Variants in TLL1 observed in about 807,000 individuals in gnomAD.
The protein encoded by TLL1 is tolloid like 1.
TLL1 carries 49 observed loss-of-function variants against 128.2 expected under a neutral mutation model. That is an observed-to-expected ratio of 0.38 (90% CI 0.30 to 0.48). The LOEUF (loss-of-function observed/expected upper bound fraction) is 0.48, where lower values mean the gene tolerates loss of function less well. TLL1 is among the 20% of genes least tolerant of loss of function. TLL1 has a pLI of 0.96. For missense variants in TLL1, 1,123 were observed against 1,242.0 expected, an observed-to-expected ratio of 0.90 and a Z score of 1.44; for synonymous variants, 454 against 418.8, an observed-to-expected ratio of 1.08 and a Z score of -1.03.
At chr4:165,912,071 T>A (rs1175296689) in intron 1 of TLL1, among the ~76,000 whole-genome samples, 1 of 152,132 alleles carries the variant, frequency 6.6e-6, no homozygotes, top group Non-Finnish European at 1.5e-5. Context: ...GAGACGAGGT[T>A]TCACCATGTT....
At chr4:165,949,122 G>A (rs891244538) in intron 1 of TLL1, among the ~76,000 whole-genome samples, 1 of 152,070 alleles carries the variant, frequency 6.6e-6, no homozygotes, top group African/African-American at 2.4e-5. Flanking sequence ...TTCATCAAAA[G>A]GGGAAGTAAG....
At chr4:166,064,702 C>T (rs756550927) in intron 15 of TLL1, among the ~76,000 whole-genome samples, 18 of 152,168 alleles carry the variant, frequency 1.2e-4, no homozygotes, top group Middle Eastern at 6.8e-3. Context: ...TCAATGACAA[C>T]ATCTTTAGCC....
chr4:165,939,641 A>G (rs78549572), intron 1 of TLL1, among the ~76,000 whole-genome samples: 5,441 of 152,050 alleles, frequency 0.036, 287 homozygotes, highest in African/African-American at 0.12. Flanking sequence ...TTTCTTCTTC[A>G]TTATTACTGT....
intron 8 of TLL1, among the ~76,000 whole-genome samples, chr4:166,018,625 A>C (rs1230670795): frequency 6.6e-6 from 1 of 152,104 alleles, no homozygotes; most frequent in Non-Finnish European, 1.5e-5. Flanking sequence ...AAATAACCCC[A>C]TTTAAAAAAT....
At chr4:165,979,456 AAAAG>A (rs1553957066) in intron 1 of TLL1, among the ~76,000 whole-genome samples, 1 of 152,174 alleles carries the variant, frequency 6.6e-6, no homozygotes, top group Non-Finnish European at 1.5e-5. Flanking sequence ...TTATTAAGCA[AAAAG>A]AAGTACTATA....
At chr4:166,028,183 G>A (rs1579644155) in intron 9 of TLL1, among the ~76,000 whole-genome samples, 1 of 151,994 alleles carries the variant, frequency 6.6e-6, no homozygotes, top group Middle Eastern at 3.4e-3. Context: ...GACACTGAAG[G>A]CTGTAATTTT....
intron 1 of TLL1, among the ~76,000 whole-genome samples, chr4:165,900,500 G>A (rs1194669257): frequency 6.6e-6 from 1 of 152,148 alleles, no homozygotes; most frequent in Non-Finnish European, 1.5e-5. Context: ...ATGAAGCTTA[G>A]TTTGGCTGGA....
chr4:165,908,622 A>G (rs574284371), intron 1 of TLL1, among the ~76,000 whole-genome samples: 86 of 152,066 alleles, frequency 5.7e-4, no homozygotes, highest in African/African-American at 2.1e-3. Context: ...GAAAACACTA[A>G]ACTAATAGCA....
intron 9 of TLL1, among the ~76,000 whole-genome samples, chr4:166,027,702 A>G (rs1459288377): frequency 6.6e-6 from 1 of 152,186 alleles, no homozygotes; most frequent in Non-Finnish European, 1.5e-5. Flanking sequence ...AAAGATACAA[A>G]TTTTGAGAAC....
chr4:165,948,620 C>T (rs1561048005), intron 1 of TLL1, among the ~76,000 whole-genome samples: 1 of 152,102 alleles, frequency 6.6e-6, no homozygotes, highest in Non-Finnish European at 1.5e-5. Context: ...GGTGAGGGGG[C>T]TGATTATGCT....
At chr4:166,062,645 A>G (rs903890757) in intron 15 of TLL1, among the ~76,000 whole-genome samples, 14 of 152,176 alleles carry the variant, frequency 9.2e-5, no homozygotes, top group East Asian at 1.9e-4. Flanking sequence ...TTCTAAATAT[A>G]CAATCATGTC....
At chr4:165,925,414 G>A (rs1393601319) in intron 1 of TLL1, among the ~76,000 whole-genome samples, 1 of 152,154 alleles carries the variant, frequency 6.6e-6, no homozygotes, top group African/African-American at 2.4e-5. Context: ...GGAAGTAATT[G>A]CAGATGTGAT....
At chr4:166,004,830 G>T (rs142605508) in intron 6 of TLL1, among the ~76,000 whole-genome samples, 1,659 of 152,084 alleles carry the variant, frequency 0.011, 33 homozygotes, top group African/African-American at 0.037. Flanking sequence ...GGAAATTCAG[G>T]TTTTATTCTC....
At chr4:166,098,700 T>C (rs1742141500) in intron 19 of TLL1, among the ~76,000 whole-genome samples, 1 of 152,110 alleles carries the variant, frequency 6.6e-6, no homozygotes, top group Non-Finnish European at 1.5e-5. Context: ...TACTATTGTA[T>C]ATATTCTATA....
At chr4:166,091,072 C>T (rs1741749450) in intron 18 of TLL1, 56 bp from the exon 19 acceptor site, 2 of 1,469,702 alleles carry the variant, frequency 1.4e-6, no homozygotes, top group Admixed American at 3.7e-5. Context: ...CAAAAATTAT[C>T]TCATTTTGAG....
At chr4:165,934,614 G>A (rs928715296) in intron 1 of TLL1, among the ~76,000 whole-genome samples, 1 of 152,166 alleles carries the variant, frequency 6.6e-6, no homozygotes, top group African/African-American at 2.4e-5. Context: ...TTCACTTAAA[G>A]AGAAAAGGGC....
At chr4:166,029,273 G>T (rs1247960424) in intron 9 of TLL1, among the ~76,000 whole-genome samples, 3 of 151,802 alleles carry the variant, frequency 2.0e-5, no homozygotes, top group African/African-American at 7.2e-5. Context: ...TATTTAATTT[G>T]TATCTTTAGC....
Position 165,873,322 on chromosome 4 carries a change from G to T in TLL1, c.-583G>T. On this transcript the variant is annotated 5_prime_UTR_variant, in exon 1 of 21. Coordinates refer to ENST00000061240, the MANE Select transcript of TLL1 (RefSeq NM_012464.5). ...CTTCTGCAGGCTTTTAAGGTCTCGC[G>T]GCGTAGAAATGCCTGGCCCCCACCC... 1 of 153,482 alleles carries T rather than the reference G, an allele frequency of 6.5e-6. No individual in the cohort carries two copies. The highest frequency in any genetic ancestry group is 1.4e-5 in the Non-Finnish European group (1 of 69,100). 9.5% of individuals were successfully genotyped at this position (153,482 alleles called of 1,614,324 possible).
At chr4:165,977,857 A>G (rs1735962734) in intron 1 of TLL1, among the ~76,000 whole-genome samples, 3 of 152,204 alleles carry the variant, frequency 2.0e-5, no homozygotes, top group Admixed American at 2.0e-4. Flanking sequence ...CCTTCTCACT[A>G]GTTATGAGGT....
Sources: gnomAD v4.1 joint callset for allele counts (sites outside exome capture counted in the v4.1 genomes callset) on GRCh38, gnomAD v4.1.1 for gene constraint, MANE v1.5 for transcripts, NCBI Gene and HGNC (gene_info 2026-07-23, HGNC 2026-07-21) for gene names.